ANKRD28: variants seen among roughly 807,000 people sequenced by gnomAD.
The protein encoded by ANKRD28 is ankyrin repeat domain 28.
A neutral mutation model predicts 126.5 loss-of-function variants in ANKRD28; 44 were observed. That is an observed-to-expected ratio of 0.35 (90% CI 0.27 to 0.45). ANKRD28 has a LOEUF of 0.45. Among genes scored for constraint, ANKRD28 ranks in the 20% least tolerant of loss-of-function variants. ANKRD28 has a pLI of 1.00. For missense variants in ANKRD28, 1,110 were observed against 1,316.6 expected (o/e 0.84, Z 2.43); for synonymous variants, 442 against 468.5 (o/e 0.94, Z 0.73).
chr3:15,711,132 T>C, intron 12 of ANKRD28, 79 bp downstream of exon 12: 1 of 1,265,316 alleles, frequency 7.9e-7, no homozygotes, highest in Non-Finnish European at 1.1e-6. Flanking sequence ...CCAGAATTAA[T>C]AAAAAAGAAC....
intron 2 of ANKRD28, among the ~76,000 whole-genome samples, chr3:15,775,241 A>G (rs2059203600): frequency 6.6e-6 from 1 of 152,240 alleles, no homozygotes; most frequent in African/African-American, 2.4e-5. Flanking sequence ...AACATATAAA[A>G]TGTGCCTGAA....
chr3:15,810,958 G>A (rs763148890), intron 1 of ANKRD28, among the ~76,000 whole-genome samples: 13 of 152,148 alleles, frequency 8.5e-5, no homozygotes, highest in Admixed American at 3.3e-4. Context: ...CCTACTGTGA[G>A]TGACTTTAAA....
rs147718704 is a variant in ANKRD28, at chr3:15,671,042, C to T, written c.2966-486G>A. 4.9e-3 allele frequency among the ~76,000 whole-genome samples: 746 copies of T among 152,330 alleles called. 4 individuals are homozygous for T. The highest frequency in any genetic ancestry group is 0.013 in the Admixed American group (193 of 15,286). On this transcript the variant is annotated intron_variant, in intron 27 of 27. Coordinates refer to ENST00000683139, the MANE Select transcript of ANKRD28 (RefSeq NM_001349278.2). ...TGTGTACAGCTTCATGAATCAGCCA[C>T]AGGGCAGGTGCTCAAAAGATATGTG...
rs2066206719 is a variant in ANKRD28 at position 15,670,202 on chromosome 3, A to G, written c.*68T>C. 1 of 1,523,952 alleles carries G rather than the reference A, an allele frequency of 6.6e-7. No individual in the cohort carries two copies. Among genetic ancestry groups the G allele is most frequent in the Non-Finnish European group, 8.9e-7 (1 of 1,123,720 alleles). The allele number at this position is 1,523,952 out of a possible 1,614,324, so 94.4% of individuals were successfully genotyped here. ...TAGGTTGAATTTCTACGTGAATATC[A>G]AAGTGCCTTTTTCCTGAAAAAGCAC... is the stretch of plus-strand genomic sequence containing the variant. On this transcript the variant is annotated 3_prime_UTR_variant, in exon 28 of 28. Transcript: ENST00000683139.
chr3:15,695,254 G>A lies in ANKRD28; in HGVS notation c.1660-40C>T, dbSNP rs1305164217. 2.8e-6 allele frequency: 4 copies of A among 1,448,200 alleles called. No individual in the cohort carries two copies. The African/African-American group carries it at 4.2e-5, about 15-fold the overall frequency. The allele number at this position is 1,448,200 out of a possible 1,614,324, so 89.7% of individuals were successfully genotyped here. ...AAAACAAAAATATTTAGCTTGGGAA[G>A]TATTCATCTATATTAAGTCTCAACT... On this transcript the variant is annotated intron_variant, in intron 15 of 27. Coordinates refer to ENST00000683139, the MANE Select transcript of ANKRD28 (RefSeq NM_001349278.2).
At chr3:15,777,382 C>T (rs906487272) in intron 2 of ANKRD28, among the ~76,000 whole-genome samples, 2 of 152,010 alleles carry the variant, frequency 1.3e-5, no homozygotes, top group Non-Finnish European at 2.9e-5. Flanking sequence ...TGGTTCTACA[C>T]GGAATCAGGA....
chr3:15,844,960 C>T (rs1012712170), intron 1 of ANKRD28, among the ~76,000 whole-genome samples: 6 of 152,142 alleles, frequency 3.9e-5, no homozygotes, highest in Admixed American at 3.3e-4. Context: ...CCTCAGGAAA[C>T]TTATAATCAT....
chr3:15,826,659 T>C (rs2061073705), intron 1 of ANKRD28, among the ~76,000 whole-genome samples: 1 of 152,232 alleles, frequency 6.6e-6, no homozygotes. Context: ...GTTAGGTTTA[T>C]ATTTTATTTT....
intron 7 of ANKRD28, among the ~76,000 whole-genome samples, chr3:15,723,792 T>C (rs903087947): frequency 1.3e-5 from 2 of 151,998 alleles, no homozygotes; most frequent in African/African-American, 4.8e-5. Flanking sequence ...AATAAATAAA[T>C]AAACAAGGGA....
intron 2 of ANKRD28, among the ~76,000 whole-genome samples, chr3:15,785,752 G>A (rs1575673486): frequency 6.6e-6 from 1 of 152,098 alleles, no homozygotes; most frequent in East Asian, 1.9e-4. Flanking sequence ...AAACTTGCAC[G>A]TGGAAGTTTA....
At chr3:15,792,620 T>C (rs898957306) in intron 2 of ANKRD28, among the ~76,000 whole-genome samples, 1 of 152,010 alleles carries the variant, frequency 6.6e-6, no homozygotes, top group Non-Finnish European at 1.5e-5. Flanking sequence ...TACAAAAAAA[T>C]AGAATAAGAC....
intron 1 of ANKRD28, among the ~76,000 whole-genome samples, chr3:15,831,687 C>T (rs2061194112): frequency 6.6e-6 from 1 of 152,152 alleles, no homozygotes; most frequent in Admixed American, 6.5e-5. Flanking sequence ...TTAGCTCTAC[C>T]TTCCTGCCTT....
Position 15,735,405 on chromosome 3 carries a change from C to T in ANKRD28, c.640+5G>A. 1 of 1,545,176 alleles carries T rather than the reference C, an allele frequency of 6.5e-7. No homozygotes were observed. Among genetic ancestry groups the T allele is most frequent in the Non-Finnish European group, 8.7e-7 (1 of 1,143,232 alleles). ...TATCAAAAACTAAATTTAAAAAGTA[C>T]ATACCCATATATGCTGCCCAATGGA... On this transcript the variant is annotated splice_donor_5th_base_variant and intron_variant, in intron 6 of 27. Transcript: ENST00000683139.
intron 2 of ANKRD28, among the ~76,000 whole-genome samples, chr3:15,788,374 C>A (rs956379656): frequency 1.3e-5 from 2 of 152,106 alleles, no homozygotes; most frequent in African/African-American, 2.4e-5. Context: ...TCTCTCTCAA[C>A]AATATGCTTT....
At chr3:15,687,653 TATA>T (rs2068292616) in intron 18 of ANKRD28, among the ~76,000 whole-genome samples, 3 of 151,140 alleles carry the variant, frequency 2.0e-5, no homozygotes, top group Non-Finnish European at 4.4e-5. Flanking sequence ...TTCCCACAGT[TATA>T]TTAAATACTA....
At chr3:15,803,852 T>G (rs2125861264) in intron 1 of ANKRD28, among the ~76,000 whole-genome samples, 1 of 144,548 alleles carries the variant, frequency 6.9e-6, no homozygotes, top group African/African-American at 2.6e-5. Context: ...TCTCAAACTC[T>G]GTTTTAAACT....
chr3:15,801,097 A>C (rs2060455608), upstream of ANKRD28, among the ~76,000 whole-genome samples: 1 of 152,072 alleles, frequency 6.6e-6, no homozygotes, highest in African/African-American at 2.4e-5. The surrounding 1 kb of genome is among the most constrained non-coding windows in gnomAD (Gnocchi z 4.9). Context: ...TTTGGTACTT[A>C]TTTTTTAGGC....
chr3:15,702,199 C>T (rs2070725159), intron 14 of ANKRD28, among the ~76,000 whole-genome samples: 1 of 152,178 alleles, frequency 6.6e-6, no homozygotes, highest in Admixed American at 6.6e-5. Context: ...AAGGACTAAA[C>T]CACCTCAGGT....
intron 1 of ANKRD28, among the ~76,000 whole-genome samples, chr3:15,818,808 A>T (rs1479441181): frequency 6.6e-6 from 1 of 152,214 alleles, no homozygotes; most frequent in African/African-American, 2.4e-5. Flanking sequence ...ATATTCTTAT[A>T]ATTTCAATTT....
Sources: allele counts gnomAD v4.1 joint callset (sites outside exome capture counted in the v4.1 genomes callset), GRCh38; gene constraint gnomAD v4.1.1; non-coding constraint Gnocchi (gnomAD v3.1); transcripts MANE v1.5; gene names NCBI Gene and HGNC (gene_info 2026-07-23, HGNC 2026-07-21).